Variants in STYXL1 observed in about 807,000 individuals in gnomAD.
The protein encoded by STYXL1 is serine/threonine/tyrosine-interacting-like protein 1.
STYXL1 carries 32 observed loss-of-function variants against 36.4 expected under a neutral mutation model. The ratio of observed to expected loss-of-function variants is 0.88; its 90% CI spans 0.66 to 1.18. STYXL1 has a LOEUF of 1.18. STYXL1 is among the 50% of genes most tolerant of loss of function. The pLI, the probability that STYXL1 is intolerant of heterozygous loss-of-function variation, is 0.00. For synonymous variants in STYXL1, 133 were observed against 144.1 expected (o/e 0.92, Z 0.55); for missense variants, 354 against 394.1 (o/e 0.90, Z 0.86).
intron 3 of STYXL1, among the ~76,000 whole-genome samples, chr7:76,025,300 C>CA (rs1432577501): frequency 5.3e-4 from 76 of 142,502 alleles, no homozygotes; most frequent in African/African-American, 1.6e-3. Context: ...GACTTTGTCT[C>CA]AAAAAATAAA....
At chr7:75,997,595 G>A (rs1245084270) in intron 8 of STYXL1, among the ~76,000 whole-genome samples, 1 of 152,124 alleles carries the variant, frequency 6.6e-6, no homozygotes, top group Non-Finnish European at 1.5e-5. Flanking sequence ...CATAGTCCTA[G>A]AAGTCCTAGC....
At chr7:76,020,895 C>T (rs1793974114) in intron 4 of STYXL1, among the ~76,000 whole-genome samples, 1 of 152,020 alleles carries the variant, frequency 6.6e-6, no homozygotes, top group Admixed American at 6.6e-5. Context: ...GTGCATGGCA[C>T]ACATGGAACT....
intron 1 of STYXL1, among the ~76,000 whole-genome samples, chr7:76,038,422 A>ATTC (rs35261977): frequency 0.014 from 1,814 of 132,204 alleles, 135 homozygotes; most frequent in African/African-American, 0.04. Flanking sequence ...ATTGAATGAC[A>ATTC]TTTTTTTTTT....
chr7:76,021,707 G>A, intron 4 of STYXL1, 144 bp downstream of exon 4: 1 of 693,558 alleles, frequency 1.4e-6, no homozygotes, highest in Non-Finnish European at 2.6e-6. Flanking sequence ...CAGTGATCAT[G>A]AAGCTCTTTT....
chr7:76,005,915 A>AGGAGGAG (rs1310008042), intron 5 of STYXL1, among the ~76,000 whole-genome samples: 1 of 134,900 alleles, frequency 7.4e-6, no homozygotes, highest in Admixed American at 7.5e-5. Flanking sequence ...GAGGAGGAGG[A>AGGAGGAG]GGAGGAGGGA....
rs782477069 is a variant in STYXL1 at position 76,005,267 on chromosome 7, T to A, written c.591A>T (p.Thr197=). The A allele has an allele frequency of 3.7e-5, 58 of 1,572,680 alleles. No individual in the cohort carries two copies. The highest frequency in any genetic ancestry group is 4.9e-5 in the Non-Finnish European group (56 of 1,152,000). ...AGTTTCTCTTTACTTACAAGGGCCCTGTATCCATGGAGACATTGACATGGG... is the reference window on the plus strand; with the variant it reads ...AGTTTCTCTTTACTTACAAGGGCCCAGTATCCATGGAGACATTGACATGGG... The part of the protein sequence containing the change: ...IKAHVNVSMD[T]GPFFAGDADK... The change falls in exon 6 of 9, where the codon ACA becomes ACT. Residue 197 remains threonine, a synonymous_variant. Coordinates refer to ENST00000359697, the MANE Select transcript of STYXL1 (RefSeq NM_001317785.2).
intron 3 of STYXL1, among the ~76,000 whole-genome samples, chr7:76,023,448 T>G (rs1794312406): frequency 6.6e-6 from 1 of 152,046 alleles, no homozygotes; most frequent in Admixed American, 6.6e-5. Context: ...ACTGCAGCCT[T>G]GAATTCCTGG....
chr7:76,024,604 G>A (rs1794457986), intron 3 of STYXL1, among the ~76,000 whole-genome samples: 1 of 151,700 alleles, frequency 6.6e-6, no homozygotes, highest in African/African-American at 2.4e-5. Flanking sequence ...GCGAGAGAGT[G>A]AGACCCTGTC....
At chr7:76,032,095 C>G (rs1337888335) in intron 1 of STYXL1, among the ~76,000 whole-genome samples, 1 of 151,970 alleles carries the variant, frequency 6.6e-6, no homozygotes. Context: ...ATAGCAAGAC[C>G]CTGTAATACA....
chr7:75,999,542 T>A (rs1317938476), intron 8 of STYXL1, among the ~76,000 whole-genome samples: 1 of 136,538 alleles, frequency 7.3e-6, no homozygotes, highest in Admixed American at 7.4e-5. Context: ...TGTGTGTGTG[T>A]GTGTGTGTGT....
At chr7:76,043,231 T>C (rs2116520547) in intron 1 of STYXL1, among the ~76,000 whole-genome samples, 1 of 152,046 alleles carries the variant, frequency 6.6e-6, no homozygotes, top group Admixed American at 6.6e-5. Context: ...AACCTCTGCC[T>C]CCTGGGTTCA....
chr7:76,010,996 C>G (rs1554572052), intron 5 of STYXL1, among the ~76,000 whole-genome samples: 1 of 152,120 alleles, frequency 6.6e-6, no homozygotes, highest in East Asian at 1.9e-4. Context: ...AGGAGGATTG[C>G]TTAAGGTCAG....
At position 76,003,216 on chromosome 7, in the gene STYXL1, G is replaced by A. The variant is rs76257783; in HGVS notation, c.697+542C>T. Among the ~76,000 whole-genome samples, 234 of 152,294 alleles carry A rather than the reference G, an allele frequency of 1.5e-3. 8 individuals carry two copies. The East Asian group carries it at 0.043, about 28-fold the overall frequency. ...CTTGAGAGGCTGAGGTAGGAAGATC[G>A]CTTGAGGCCAGGAGTTCAAGACCTG... is the stretch of plus-strand genomic sequence containing the variant. On this transcript the variant is annotated intron_variant, in intron 7 of 8. Coordinates refer to ENST00000359697, the MANE Select transcript of STYXL1 (RefSeq NM_001317785.2).
rs1792507835 is a variant in STYXL1 at position 76,011,144 on chromosome 7, G to T, written c.453+2598C>A. ...GGCTGGAGGATACCAAGCCCAGGAG[G>T]TGGAGGCTGCAGTGAGCTATGATTG... On this transcript the variant is annotated intron_variant, in intron 5 of 8. Transcript: ENST00000359697. Among the ~76,000 whole-genome samples the T allele has an allele frequency of 2.6e-5, 4 of 152,264 alleles. No homozygotes were observed. In the South Asian group the frequency reaches 8.3e-4, roughly 32 times the overall value.
chr7:76,010,940 T>C (rs1792475875), intron 5 of STYXL1, among the ~76,000 whole-genome samples: 1 of 152,158 alleles, frequency 6.6e-6, no homozygotes, highest in Non-Finnish European at 1.5e-5. Context: ...GTTGGCCAGG[T>C]GTGGTGGTTC....
intron 4 of STYXL1, among the ~76,000 whole-genome samples, chr7:76,018,380 C>T (rs1200478544): frequency 6.6e-6 from 1 of 151,970 alleles, no homozygotes; most frequent in African/African-American, 2.4e-5. Flanking sequence ...CATTATAGCA[C>T]ATGTCAGTAC....
chr7:76,030,541 A>C lies in STYXL1; in HGVS notation c.-4-14T>G. The stretch of plus-strand genomic sequence containing the variant: ...CCAGGCATCCTGCTGGGAAGAATCA[A>C]TAACACACAAGGGTAACATAACTCT... On this transcript the variant is annotated splice_polypyrimidine_tract_variant and intron_variant, in intron 1 of 8. Transcript: ENST00000359697. The C allele has an allele frequency of 6.7e-7, 1 of 1,489,540 alleles. No individual in the cohort carries two copies. 92.3% of individuals were successfully genotyped at this position (1,489,540 alleles called of 1,614,324 possible).
chr7:76,017,449 A>T (rs781896660), intron 4 of STYXL1, among the ~76,000 whole-genome samples: 5 of 152,122 alleles, frequency 3.3e-5, no homozygotes, highest in Non-Finnish European at 7.4e-5. Flanking sequence ...TAAACGAACT[A>T]ACACAGATAT....
intron 8 of STYXL1, 103 bp downstream of exon 8, chr7:76,000,787 T>C (rs1217258478): frequency 9.3e-6 from 8 of 857,284 alleles, no homozygotes; most frequent in South Asian, 1.4e-5. Context: ...TCTGGGATTC[T>C]TCCTCCCAAA....
Sources: gnomAD v4.1 joint callset for allele counts (sites outside exome capture counted in the v4.1 genomes callset) on GRCh38, gnomAD v4.1.1 for gene constraint, MANE v1.5 for transcripts, NCBI Gene and HGNC (gene_info 2026-07-23, HGNC 2026-07-21) for gene names.